Variants in H2BC4 observed in about 807,000 individuals in gnomAD.
H2BC4 encodes the protein H2B clustered histone 4, also known as histone H2B type 1-C/E/F/G/I.
A neutral mutation model predicts 6.2 loss-of-function variants in H2BC4; 10 were observed. The ratio of observed to expected loss-of-function variants is 1.61; its 90% confidence interval spans 0.99 to 2.73. H2BC4 has a LOEUF of 2.73. Ranked by LOEUF, H2BC4 falls within the 30% of genes most tolerant of loss-of-function variation. The pLI, the probability that H2BC4 is intolerant of heterozygous loss-of-function variation, is 0.00. For missense variants in H2BC4, 176 were observed against 168.7 expected, an observed-to-expected ratio of 1.04 and a Z score of -0.24; for synonymous variants, 146 against 70.7, an observed-to-expected ratio of 2.07 and a Z score of -5.35.
chr6:26,123,300 T>C, downstream of H2BC4: 2 of 760,640 alleles, frequency 2.6e-6, no homozygotes, highest in South Asian at 4.6e-5. Context: ...GCACAACGAA[T>C]TGACCCCAAA....
chr6:26,119,670 A>G (rs189536164), downstream of H2BC4, among the ~76,000 whole-genome samples: 1 of 152,140 alleles, frequency 6.6e-6, no homozygotes, highest in Admixed American at 6.5e-5. Context: ...AGTAAATGCA[A>G]GTTAAATTAG....
At chr6:26,122,643 G>C (rs553829211), downstream of H2BC4, among the ~76,000 whole-genome samples, 1 of 152,096 alleles carries the variant, frequency 6.6e-6, no homozygotes, top group Non-Finnish European at 1.5e-5. Context: ...TTCAGTGTTC[G>C]AAGGCTTGTC....
intron 1 of H2BC4, among the ~76,000 whole-genome samples, chr6:26,116,726 TC>T (rs1269731489): frequency 6.6e-6 from 1 of 151,984 alleles, no homozygotes; most frequent in Non-Finnish European, 1.5e-5. Flanking sequence ...AGAACTGAGG[TC>T]AAGGAGTAGT....
At chr6:26,116,664 C>T (rs1763425885) in intron 1 of H2BC4, among the ~76,000 whole-genome samples, 1 of 152,050 alleles carries the variant, frequency 6.6e-6, no homozygotes, top group African/African-American at 2.4e-5. Flanking sequence ...TGCGCCACTA[C>T]ACTCCAGCCT....
At chr6:26,121,078 A>G (rs1763490846), downstream of H2BC4, among the ~76,000 whole-genome samples, 1 of 152,236 alleles carries the variant, frequency 6.6e-6, no homozygotes, top group African/African-American at 2.4e-5. Context: ...AAAAAAGACA[A>G]GTTTTGGAAG....
intron 1 of H2BC4, among the ~76,000 whole-genome samples, chr6:26,117,453 A>G (rs1227858351): frequency 1.3e-5 from 2 of 152,342 alleles, no homozygotes; most frequent in East Asian, 3.9e-4. Flanking sequence ...CCCACATCTT[A>G]TATGTGGTGA....
downstream of H2BC4, among the ~76,000 whole-genome samples, chr6:26,121,461 T>G (rs1463330811): frequency 6.6e-6 from 1 of 152,150 alleles, no homozygotes; most frequent in African/African-American, 2.4e-5. Context: ...ACATTTCTGT[T>G]GGTTCTTATT....
At chr6:26,114,789 A>G (rs1489829906), downstream of H2BC4, 6 of 151,900 alleles carry the variant, frequency 3.9e-5, no homozygotes, top group East Asian at 3.9e-4. Context: ...CATGACACCT[A>G]AATTTATTTT....
chr6:26,116,632 G>A (rs1463183758), intron 1 of H2BC4, among the ~76,000 whole-genome samples: 1 of 152,128 alleles, frequency 6.6e-6, no homozygotes, highest in Non-Finnish European at 1.5e-5. Context: ...CCCAGAAGGT[G>A]GAGGTTACAA....
At chr6:26,123,351 TTGTCCCTCTCTAAGCTGCA>T, downstream of H2BC4, 1 of 1,165,612 alleles carries the variant, frequency 8.6e-7, no homozygotes, top group Non-Finnish European at 1.2e-6. Flanking sequence ...TCAGGACCCT[TTGTCCCTCTCTAAGCTGCA>T]ACACTTGTCC....
At chr6:26,118,143 T>A (rs1561953640) in intron 1 of H2BC4, among the ~76,000 whole-genome samples, 1 of 152,138 alleles carries the variant, frequency 6.6e-6, no homozygotes, top group Non-Finnish European at 1.5e-5. Context: ...TTGTTTTTTG[T>A]TTTTTTGACA....
chr6:26,123,451 T>A, downstream of H2BC4: 2 of 1,579,676 alleles, frequency 1.3e-6, no homozygotes, highest in Non-Finnish European at 1.7e-6. Flanking sequence ...TGGCCACAGC[T>A]CTTTTAGTGG....
downstream of H2BC4, chr6:26,114,742 T>A (rs564032200): frequency 1.1e-4 from 17 of 151,838 alleles, no homozygotes; most frequent in Non-Finnish European, 2.5e-4. Context: ...TATACATCCA[T>A]AAAAAAGTTT....
chr6:26,123,647 C>T lies in H2BC4; in HGVS notation c.258G>A (p.Lys86=), dbSNP rs766317808. The T allele has an allele frequency of 1.2e-5, 20 of 1,614,266 alleles. No individual in the cohort carries two copies. Among genetic ancestry groups the T allele is most frequent in the Non-Finnish European group, 1.5e-5 (18 of 1,180,056 alleles). Residue 86 remains lysine, a synonymous_variant, in exon 1 of 1, where the codon AAG becomes AAA. Coordinates refer to ENST00000396984, the MANE Select transcript of H2BC4 (RefSeq NM_003526.3). The part of the protein sequence containing the change: ...GEASRLAHYN[K]RSTITSREIQ... ...TCTCCCTGGAGGTGATGGTCGAGCG[C>T]TTGTTGTAATGCGCCAGGCGGGAAG... is the stretch of plus-strand genomic sequence containing the variant.
chr6:26,115,216 GATA>G (rs1161372860), intron 1 of H2BC4: 1 of 152,216 alleles, frequency 6.6e-6, no homozygotes, highest in Non-Finnish European at 1.5e-5. Flanking sequence ...TGAGAACAAT[GATA>G]ATGATGATGG....
At chr6:26,121,779 C>T (rs1763499637), downstream of H2BC4, among the ~76,000 whole-genome samples, 1 of 151,294 alleles carries the variant, frequency 6.6e-6, no homozygotes, top group Middle Eastern at 3.5e-3. Flanking sequence ...TTAGGCCCGG[C>T]GCGGTGGCTC....
At chr6:26,123,436 GCGTCTGGCCAC>G, downstream of H2BC4, 1 of 1,562,954 alleles carries the variant, frequency 6.4e-7, no homozygotes, top group Admixed American at 2.1e-5. Context: ...ATAAAATTTG[GCGTCTGGCCAC>G]AGCTCTTTTA....
chr6:26,116,993 C>T (rs1213284084), intron 1 of H2BC4, among the ~76,000 whole-genome samples: 1 of 152,098 alleles, frequency 6.6e-6, no homozygotes, highest in East Asian at 1.9e-4. Flanking sequence ...CTGGGATTGT[C>T]TGTCAATGTG....
downstream of H2BC4, among the ~76,000 whole-genome samples, chr6:26,122,722 C>T (rs922584239): frequency 5.9e-5 from 9 of 152,048 alleles, no homozygotes; most frequent in Admixed American, 5.2e-4. Context: ...TGTTACAAGC[C>T]CCCTACGGAG....
Sources: allele counts gnomAD v4.1 joint callset (sites outside exome capture counted in the v4.1 genomes callset), GRCh38; gene constraint gnomAD v4.1.1; transcripts MANE v1.5; gene names NCBI Gene and HGNC (gene_info 2026-07-23, HGNC 2026-07-21).